Variants in SYT1 observed in about 807,000 individuals in gnomAD.
The protein encoded by SYT1 is synaptotagmin-1.
A neutral mutation model predicts 44.8 loss-of-function variants in SYT1; 8 were observed. The observed-to-expected ratio is 0.18, with a 90% CI of 0.10 to 0.32. The LOEUF is 0.32. SYT1 is among the 10% of genes least tolerant of loss of function. The pLI is 1.00. For missense variants in SYT1, 286 were observed against 509.3 expected (o/e 0.56, Z 4.22); for synonymous variants, 154 against 188.8 (o/e 0.82, Z 1.51).
intron 3 of SYT1, among the ~76,000 whole-genome samples, chr12:79,068,318 A>G (rs1876017928): frequency 1.3e-5 from 2 of 152,142 alleles, no homozygotes; most frequent in African/African-American, 2.4e-5. Flanking sequence ...TTAGGTCATA[A>G]TTATTCAGAA....
chr12:79,064,988 GAA>G (rs773702698), intron 3 of SYT1, among the ~76,000 whole-genome samples: 19 of 137,518 alleles, frequency 1.4e-4, no homozygotes, highest in Admixed American at 4.4e-4. Context: ...AAGAAAGAAA[GAA>G]AGAAAGAAAA....
In SYT1 at chr12:79,021,811, A is replaced by T. The variant is rs1310559090; in HGVS notation, c.-83-25486A>T. Among the ~76,000 whole-genome samples the T allele has an allele frequency of 2.6e-5, 4 of 151,986 alleles. No individual in the cohort carries two copies. The East Asian group carries it at 7.7e-4, about 29-fold the overall frequency. ...ATTCTTTTTATTTGATTTTTCAAAG[A>T]ATTGAATTCTAAGCAGAAAATTTAA... is the stretch of plus-strand genomic sequence containing the variant. On this transcript the variant is annotated intron_variant, in intron 2 of 10. Coordinates refer to ENST00000261205, the MANE Select transcript of SYT1 (RefSeq NM_005639.3).
intron 3 of SYT1, among the ~76,000 whole-genome samples, chr12:79,113,232 A>G (rs1051501971): frequency 1.3e-5 from 2 of 152,190 alleles, no homozygotes; most frequent in Non-Finnish European, 2.9e-5. Context: ...AATAATGACC[A>G]TAACAATTGG....
At chr12:79,273,906 A>G (rs940847872) in intron 4 of SYT1, among the ~76,000 whole-genome samples, 1 of 152,162 alleles carries the variant, frequency 6.6e-6, no homozygotes, top group Non-Finnish European at 1.5e-5. Context: ...CAACATGGTG[A>G]AACCCCGTCT....
intron 8 of SYT1, among the ~76,000 whole-genome samples, chr12:79,320,547 C>T (rs990188287): frequency 6.6e-6 from 1 of 151,752 alleles, no homozygotes; most frequent in African/African-American, 2.4e-5. Context: ...TTGTCATTTT[C>T]AGTTATGACT....
chr12:79,193,675 C>T (rs758030465), intron 3 of SYT1, among the ~76,000 whole-genome samples: 7 of 152,138 alleles, frequency 4.6e-5, no homozygotes, highest in Non-Finnish European at 8.8e-5. Flanking sequence ...CTGCAGTGAG[C>T]TATGATCATG....
At chr12:78,918,601 G>C (rs1352167413) in intron 1 of SYT1, among the ~76,000 whole-genome samples, 1 of 152,010 alleles carries the variant, frequency 6.6e-6, no homozygotes, top group Admixed American at 6.6e-5. Flanking sequence ...CAGCGCAAAT[G>C]CTCCACATGG....
intron 2 of SYT1, among the ~76,000 whole-genome samples, chr12:79,035,175 T>C (rs1024542440): frequency 9.9e-5 from 15 of 151,686 alleles, no homozygotes; most frequent in Admixed American, 4.6e-4. Flanking sequence ...AACATACCAC[T>C]TACTTGTTCA....
At chr12:79,387,281 C>T (rs1884473145) in intron 9 of SYT1, among the ~76,000 whole-genome samples, 1 of 152,020 alleles carries the variant, frequency 6.6e-6, no homozygotes, top group Non-Finnish European at 1.5e-5. Flanking sequence ...CAGCAATGGC[C>T]CAGAAAAGAG....
At chr12:78,989,601 T>C (rs992512205) in intron 2 of SYT1, among the ~76,000 whole-genome samples, 4 of 152,060 alleles carry the variant, frequency 2.6e-5, no homozygotes, top group Non-Finnish European at 5.9e-5. Flanking sequence ...GTTAGCTCTC[T>C]TATCTGATTG....
At chr12:79,139,548 C>T (rs1323992259) in intron 3 of SYT1, among the ~76,000 whole-genome samples, 2 of 152,130 alleles carry the variant, frequency 1.3e-5, no homozygotes, top group African/African-American at 4.8e-5. Flanking sequence ...AAAAAATACC[C>T]TATTAGTTAT....
At chr12:78,949,477 TA>T (rs1555183718) in intron 1 of SYT1, among the ~76,000 whole-genome samples, 2,763 of 143,946 alleles carry the variant, frequency 0.019, 73 homozygotes, top group African/African-American at 0.062. Flanking sequence ...TATAGCTCAT[TA>T]AAAAAAAAAA....
At chr12:79,418,229 A>T (rs1237062733) in intron 9 of SYT1, among the ~76,000 whole-genome samples, 1 of 152,118 alleles carries the variant, frequency 6.6e-6, no homozygotes, top group Non-Finnish European at 1.5e-5. Flanking sequence ...GATGTATAGG[A>T]ATTTCCTAGA....
intron 9 of SYT1, among the ~76,000 whole-genome samples, chr12:79,403,860 C>A (rs1364980926): frequency 1.3e-5 from 2 of 152,170 alleles, no homozygotes; most frequent in African/African-American, 4.8e-5. Flanking sequence ...AACCTTCCTT[C>A]CTGGTGGTTC....
intron 8 of SYT1, among the ~76,000 whole-genome samples, chr12:79,326,598 C>T (rs1026231097): frequency 1.1e-4 from 17 of 152,282 alleles, no homozygotes; most frequent in African/African-American, 3.4e-4. Flanking sequence ...TCCAGGCTCT[C>T]CATGTTTGGA....
chr12:79,171,710 C>T (rs1404175327), intron 3 of SYT1, among the ~76,000 whole-genome samples: 1 of 151,878 alleles, frequency 6.6e-6, no homozygotes, highest in Non-Finnish European at 1.5e-5. Flanking sequence ...ACCATAAGTT[C>T]TGGAGTTGGA....
At chr12:79,040,958 G>T (rs974095765) in intron 2 of SYT1, among the ~76,000 whole-genome samples, 1 of 151,530 alleles carries the variant, frequency 6.6e-6, no homozygotes, top group Non-Finnish European at 1.5e-5. Context: ...ATTTCTGAGG[G>T]CTCTGTTCTG....
At chr12:79,122,386 C>T (rs1194830289) in intron 3 of SYT1, among the ~76,000 whole-genome samples, 1 of 149,508 alleles carries the variant, frequency 6.7e-6, no homozygotes, top group Non-Finnish European at 1.5e-5. Context: ...TGGTAGCGGG[C>T]GCCTGTAGTC....
intron 9 of SYT1, among the ~76,000 whole-genome samples, chr12:79,398,358 T>G (rs1055557325): frequency 1.3e-5 from 2 of 152,238 alleles, no homozygotes; most frequent in African/African-American, 2.4e-5. Context: ...TAAAATATCT[T>G]CTGAATTATT....
Sources: allele counts gnomAD v4.1 joint callset (sites outside exome capture counted in the v4.1 genomes callset), GRCh38; gene constraint gnomAD v4.1.1; transcripts MANE v1.5; gene names NCBI Gene and HGNC (gene_info 2026-07-23, HGNC 2026-07-21).